Variants in CNTN5 observed in about 807,000 individuals in gnomAD.
CNTN5 encodes the protein contactin-5.
CNTN5 carries 77 observed loss-of-function variants against 129.1 expected under a neutral mutation model. That is an observed-to-expected ratio of 0.60 (90% confidence interval 0.50 to 0.72). CNTN5 has a LOEUF of 0.72. Ranked by LOEUF, CNTN5 falls within the 30% of genes least tolerant of loss-of-function variation. The pLI is 0.00. For synonymous variants in CNTN5, 509 were observed against 465.6 expected, an observed-to-expected ratio of 1.09 and a Z score of -1.20; for missense variants, 1,478 against 1,328.8, an observed-to-expected ratio of 1.11 and a Z score of -1.75.
chr11:99,215,844 A>G (rs891728098), intron 1 of CNTN5, among the ~76,000 whole-genome samples: 2 of 152,144 alleles, frequency 1.3e-5, no homozygotes, highest in African/African-American at 4.8e-5. Context: ...AAATCTGGTG[A>G]GATGCTTAAG....
intron 3 of CNTN5, among the ~76,000 whole-genome samples, chr11:99,809,261 G>C (rs1946361128): frequency 1.3e-5 from 2 of 152,286 alleles, no homozygotes; most frequent in African/African-American, 2.4e-5. Flanking sequence ...AAAACAAATT[G>C]TGAGTATAGT....
intron 1 of CNTN5, among the ~76,000 whole-genome samples, chr11:99,279,238 C>T (rs1272324743): frequency 6.6e-6 from 1 of 151,794 alleles, no homozygotes; most frequent in Non-Finnish European, 1.5e-5. Flanking sequence ...TGTTACTGAA[C>T]TCTGAAGTGG....
At chr11:99,174,597 T>C (rs1857685956) in intron 1 of CNTN5, among the ~76,000 whole-genome samples, 1 of 152,138 alleles carries the variant, frequency 6.6e-6, no homozygotes, top group African/African-American at 2.4e-5. Flanking sequence ...TTTTCTCATA[T>C]TGGCAACAGT....
chr11:99,042,294 A>T (rs865839635), intron 1 of CNTN5, among the ~76,000 whole-genome samples: 3 of 151,208 alleles, frequency 2.0e-5, no homozygotes, highest in Non-Finnish European at 4.4e-5. Flanking sequence ...GGTGCAGCAA[A>T]CCATCATGGC....
intron 21 of CNTN5, among the ~76,000 whole-genome samples, chr11:100,317,572 T>A (rs1475197957): frequency 6.6e-6 from 1 of 152,218 alleles, no homozygotes; most frequent in Non-Finnish European, 1.5e-5. Context: ...TATGTCACTA[T>A]CATTAGATTT....
chr11:100,058,720 T>A (rs998878248), intron 9 of CNTN5, among the ~76,000 whole-genome samples: 1 of 151,986 alleles, frequency 6.6e-6, no homozygotes, highest in Non-Finnish European at 1.5e-5. Flanking sequence ...TAATGTCACT[T>A]ATAATGGAGA....
At chr11:99,684,447 TCTTA>T (rs375619404) in intron 3 of CNTN5, among the ~76,000 whole-genome samples, 13 of 152,026 alleles carry the variant, frequency 8.6e-5, no homozygotes, top group African/African-American at 2.9e-4. Flanking sequence ...TCTCTTCCAA[TCTTA>T]CTTTGTGTGC....
chr11:99,808,891 G>A (rs1014130152), intron 3 of CNTN5, among the ~76,000 whole-genome samples: 4 of 152,118 alleles, frequency 2.6e-5, no homozygotes, highest in Admixed American at 1.3e-4. Context: ...GAGCATCACA[G>A]TGAGCCTGTG....
At chr11:99,168,431 T>A (rs1217179375) in intron 1 of CNTN5, among the ~76,000 whole-genome samples, 2 of 151,898 alleles carry the variant, frequency 1.3e-5, no homozygotes, top group Non-Finnish European at 2.9e-5. Context: ...TACAAAAATA[T>A]TAGCCAGGTA....
At position 99,720,098 on chromosome 11, in the gene CNTN5, A is replaced by G. The variant is rs190011159; in HGVS notation, c.56-99446A>G. Among the ~76,000 whole-genome samples, 436 of 152,270 alleles carry G rather than the reference A, an allele frequency of 2.9e-3. 2 individuals carry two copies. The highest frequency in any genetic ancestry group is 0.01 in the African/African-American group (417 of 41,566). On this transcript the variant is annotated intron_variant, in intron 3 of 24. Coordinates refer to ENST00000524871, the MANE Select transcript of CNTN5 (RefSeq NM_014361.4). ...TGAGTTCATAGCTGAATTCTACCAG[A>G]TGTACAAAGAAGATCTGGTACTATA... is the stretch of plus-strand genomic sequence containing the variant.
At chr11:100,056,766 G>C (rs1045693588) in intron 9 of CNTN5, among the ~76,000 whole-genome samples, 4 of 151,562 alleles carry the variant, frequency 2.6e-5, no homozygotes, top group Admixed American at 2.6e-4. Context: ...GGAGTGAGCA[G>C]ACTCCAGGAC....
chr11:99,254,676 A>C (rs1862285927), intron 1 of CNTN5, among the ~76,000 whole-genome samples: 1 of 151,996 alleles, frequency 6.6e-6, no homozygotes, highest in Admixed American at 6.6e-5. Context: ...AAAATATCTC[A>C]GTCAGAGTAT....
At chr11:99,890,372 TTCTC>T (rs1434377282) in intron 6 of CNTN5, among the ~76,000 whole-genome samples, 1 of 152,060 alleles carries the variant, frequency 6.6e-6, no homozygotes, top group Non-Finnish European at 1.5e-5. Flanking sequence ...AATATATTCC[TTCTC>T]TCTCTTCCTT....
intron 3 of CNTN5, among the ~76,000 whole-genome samples, chr11:99,578,820 G>C: frequency 6.6e-6 from 1 of 152,170 alleles, no homozygotes; most frequent in Non-Finnish European, 1.5e-5. Flanking sequence ...CTGTGCAGAA[G>C]CTCTTTAGTT....
intron 16 of CNTN5, 23 bp downstream of exon 16, chr11:100,224,835 C>A: frequency 6.2e-7 from 1 of 1,610,450 alleles, no homozygotes; most frequent in South Asian, 1.1e-5. Flanking sequence ...ATAGTGCAGT[C>A]TGAAGACATG....
At chr11:100,220,451 C>T (rs910780202) in intron 15 of CNTN5, among the ~76,000 whole-genome samples, 1 of 151,980 alleles carries the variant, frequency 6.6e-6, no homozygotes, top group Non-Finnish European at 1.5e-5. Context: ...ATGCTTAATA[C>T]ATAAAATGCT....
chr11:100,108,849 AATTG>A (rs1945546747), intron 13 of CNTN5, among the ~76,000 whole-genome samples: 1 of 152,100 alleles, frequency 6.6e-6, no homozygotes. Flanking sequence ...AATAATGTTT[AATTG>A]ATGTCACATT....
chr11:99,923,930 T>TAC (rs1950000267), intron 7 of CNTN5, among the ~76,000 whole-genome samples: 1 of 152,088 alleles, frequency 6.6e-6, no homozygotes, highest in African/African-American at 2.4e-5. Context: ...TGGTAGGTAC[T>TAC]ACAGGCGCAC....
chr11:99,391,058 T>C (rs899457335), intron 2 of CNTN5, among the ~76,000 whole-genome samples: 5 of 152,036 alleles, frequency 3.3e-5, no homozygotes, highest in Non-Finnish European at 7.4e-5. Context: ...CCAAAGTAAA[T>C]AACACCTTTT....
Sources: gnomAD v4.1 joint callset for allele counts (sites outside exome capture counted in the v4.1 genomes callset) on GRCh38, gnomAD v4.1.1 for gene constraint, MANE v1.5 for transcripts, NCBI Gene and HGNC (gene_info 2026-07-23, HGNC 2026-07-21) for gene names.